PRRC2B: variants seen among roughly 807,000 people sequenced by gnomAD.
The protein encoded by PRRC2B is protein PRRC2B.
PRRC2B carries 68 observed loss-of-function variants against 242.3 expected under a neutral mutation model. The ratio of observed to expected loss-of-function variants is 0.28; its 90% CI spans 0.23 to 0.34. The LOEUF is 0.34. Ranked by LOEUF, PRRC2B falls within the 10% of genes least tolerant of loss-of-function variation. The probability of loss-of-function intolerance (pLI) is 1.00; values close to 1 mark genes in which losing one functional copy is unlikely to be tolerated. For missense variants in PRRC2B, 2,835 were observed against 2,954.8 expected (o/e 0.96, Z 0.94); for synonymous variants, 1,228 against 1,173.6 (o/e 1.05, Z -0.95).
At chr9:131,385,749 A>G (rs562154412) in intron 1 of PRRC2B, among the ~76,000 whole-genome samples, 2 of 150,488 alleles carry the variant, frequency 1.3e-5, no homozygotes, top group South Asian at 4.2e-4. Flanking sequence ...GCTGGAGTGC[A>G]GTGGTGTGAT....
chr9:131,393,794 G>C (rs915604912), upstream of PRRC2B, among the ~76,000 whole-genome samples: 1 of 151,158 alleles, frequency 6.6e-6, no homozygotes, highest in African/African-American at 2.4e-5. Context: ...CCTCCTCCGG[G>C]TCTCCTCCCC....
At chr9:131,477,478 C>A (rs141177705) in intron 16 of PRRC2B, among the ~76,000 whole-genome samples, 2 of 152,184 alleles carry the variant, frequency 1.3e-5, no homozygotes, top group African/African-American at 4.8e-5. Context: ...CTCTCTCCCC[C>A]CTACACTCTG....
intron 9 of PRRC2B, 161 bp downstream of exon 9, chr9:131,447,965 C>G: frequency 1.6e-6 from 1 of 613,288 alleles, no homozygotes; most frequent in Non-Finnish European, 2.5e-6. Flanking sequence ...TCCTCATTTA[C>G]TCCCTGACTA....
At chr9:131,484,148 A>T (rs548223726) in intron 23 of PRRC2B, among the ~76,000 whole-genome samples, 1 of 152,106 alleles carries the variant, frequency 6.6e-6, no homozygotes, top group Non-Finnish European at 1.5e-5. Flanking sequence ...GACACCGGGG[A>T]TCTGCAGGAA....
chr9:131,491,767 G>A (rs1377737744), intron 29 of PRRC2B, among the ~76,000 whole-genome samples, 187 bp downstream of exon 29: 2 of 152,194 alleles, frequency 1.3e-5, no homozygotes, highest in Non-Finnish European at 2.9e-5. Flanking sequence ...CATGTCGAGG[G>A]CTGAGGGCCA....
chr9:131,390,809 C>G (rs1464986387), upstream of PRRC2B, among the ~76,000 whole-genome samples: 41 of 101,570 alleles, frequency 4.0e-4, no homozygotes, highest in African/African-American at 1.6e-3. Flanking sequence ...TTTTTTGATA[C>G]AGAGTCTCGC....
Position 131,482,687 on chromosome 9 carries a change from C to T in PRRC2B, c.5176-23C>T, listed in dbSNP as rs1362634581. The T allele has an allele frequency of 6.5e-7, 1 of 1,542,284 alleles. No homozygotes were observed. Among genetic ancestry groups the T allele is most frequent in the East Asian group, 2.3e-5 (1 of 43,734 alleles). On this transcript the variant is annotated intron_variant, in intron 21 of 31. Transcript: ENST00000683519. The surrounding 1 kb of genome is among the most constrained non-coding windows in gnomAD (Gnocchi z 5.2). ...GTGGTCATTCCAGTCTGTGTGTCTC[C>T]ACCTCTCTGCTTTTTTATCAAGGAT...
At position 131,470,891 on chromosome 9, in the gene PRRC2B, C is replaced by T. The variant is rs1943525213; in HGVS notation, c.2015C>T (p.Pro672Leu). 6.2e-7 allele frequency: 1 copy of T among 1,611,048 alleles called. No individual in the cohort carries two copies. Among genetic ancestry groups the T allele is most frequent in the East Asian group, 2.2e-5 (1 of 44,814 alleles). Residue 672 changes from proline to leucine, a missense_variant, in exon 14 of 32, where the codon CCC becomes CTC. Physicochemically the swap from Pro to Leu is moderately conservative, Grantham distance 98 (BLOSUM62 -3). Transcript: ENST00000683519. ...CACCCCCAGATGTTGGGCTTCGATC[C>T]CAGGTGGATGATGATGCCTTCCTAC... ...PHHPQMLGFD[P>L]RWMMMPSYMD... is the part of the protein sequence containing the mutation.
chr9:131,391,492 T>C (rs1420387112), upstream of PRRC2B, among the ~76,000 whole-genome samples: 1 of 152,204 alleles, frequency 6.6e-6, no homozygotes, highest in Non-Finnish European at 1.5e-5. Context: ...TCATCCCATC[T>C]ACAGAATCCC....
At chr9:131,479,864 C>T (rs759588964) in intron 19 of PRRC2B, among the ~76,000 whole-genome samples, 1 of 152,170 alleles carries the variant, frequency 6.6e-6, no homozygotes, top group African/African-American at 2.4e-5. Context: ...GAAAGGCAAA[C>T]TGAGACCAGA....
chr9:131,392,441 TTTTA>T (rs550455840), upstream of PRRC2B, among the ~76,000 whole-genome samples: 520 of 152,310 alleles, frequency 3.4e-3, 2 homozygotes, highest in African/African-American at 0.012. Context: ...TTAATTTATT[TTTTA>T]TTTGTTTATT....
At position 131,436,667 on chromosome 9, in the gene PRRC2B, G is replaced by A. The variant is rs763838961; in HGVS notation, c.341G>A (p.Gly114Asp). 8.7e-6 allele frequency: 14 copies of A among 1,614,062 alleles called. No individual in the cohort carries two copies. Among genetic ancestry groups the A allele is most frequent in the Non-Finnish European group, 1.2e-5 (14 of 1,179,902 alleles). Residue 114 changes from glycine to aspartate, a missense_variant, in exon 4 of 32, where the codon GGT becomes GAT. Coordinates refer to ENST00000683519, the MANE Select transcript of PRRC2B (RefSeq NM_013318.4). ...SQPPESLPQP[G>D]LQKSVSNLQK... is the part of the protein sequence containing the mutation. The stretch of plus-strand genomic sequence containing the variant: ...CCGCCGGAGTCGCTGCCGCAGCCGG[G>A]TTTGCAGAAATCTGTCTCCAATTTG...
At chr9:131,419,835 G>C (rs1028082814) in intron 1 of PRRC2B, among the ~76,000 whole-genome samples, 1 of 151,662 alleles carries the variant, frequency 6.6e-6, no homozygotes, top group African/African-American at 2.4e-5. Flanking sequence ...GCGGCGTGGG[G>C]CCAGCATGTT....
Position 131,495,821 on chromosome 9 carries a change from C to T in PRRC2B, c.6637C>T (p.Arg2213Ter), listed in dbSNP as rs753620870. Residue 2213 changes from arginine (R) to a stop codon, truncating the protein, a stop_gained, in exon 32 of 32, where the codon CGA becomes TGA. Coordinates refer to ENST00000683519, the MANE Select transcript of PRRC2B (RefSeq NM_013318.4). LOFTEE classifies it high-confidence loss of function. The part of the protein sequence containing the change: ...EAPSAASQMK[R>*]TGAIKPRAVK... ...CCCCTCGGCTGCCTCCCAGATGAAG[C>T]GAACCGGAGCGATCAAGCCTCGGGC... is the stretch of plus-strand genomic sequence containing the variant. The T allele has an allele frequency of 1.1e-5, 17 of 1,612,596 alleles. No homozygotes were observed. Among genetic ancestry groups the T allele is most frequent in the East Asian group, 6.7e-5 (3 of 44,852 alleles).
chr9:131,456,593 A>G (rs144369235), intron 10 of PRRC2B, among the ~76,000 whole-genome samples: 177 of 151,774 alleles, frequency 1.2e-3, no homozygotes, highest in Admixed American at 2.8e-3. Flanking sequence ...ATCACGCCAC[A>G]TGCCACTGCA....
chr9:131,428,106 G>T (rs1168733040), intron 1 of PRRC2B, among the ~76,000 whole-genome samples: 2 of 151,088 alleles, frequency 1.3e-5, no homozygotes, highest in East Asian at 4.0e-4. Flanking sequence ...ATTTTTAGTA[G>T]AAACGGGGTT....
At chr9:131,383,369 T>G (rs1237707201) in intron 1 of PRRC2B, among the ~76,000 whole-genome samples, 1 of 152,100 alleles carries the variant, frequency 6.6e-6, no homozygotes, top group Non-Finnish European at 1.5e-5. Context: ...CTGCACCAGC[T>G]GGAGGCCTCA....
chr9:131,472,646 T>C (rs912260037), intron 14 of PRRC2B, among the ~76,000 whole-genome samples: 11 of 151,880 alleles, frequency 7.2e-5, no homozygotes, highest in African/African-American at 2.7e-4. Flanking sequence ...CTGGCTGATT[T>C]TTTTGTATTT....
Position 131,476,114 on chromosome 9 carries a change from G to A in PRRC2B, c.3985G>A (p.Glu1329Lys), listed in dbSNP as rs771568746. 6 of 1,609,984 alleles carry A rather than the reference G, an allele frequency of 3.7e-6. 1 individual carries two copies. In the South Asian group the frequency reaches 4.4e-5, roughly 12 times the overall value. The change falls in exon 16 of 32, where the codon GAG becomes AAG. Residue 1329 changes from glutamate to lysine, a missense_variant. Around this residue, in one of 7 missense-constraint regions of PRRC2B, gnomAD observed 1,536 missense variants for 1,483.1 expected, o/e 1.04. Coordinates refer to ENST00000683519, the MANE Select transcript of PRRC2B (RefSeq NM_013318.4). ...ERESLGLWGP[E>K]EEPHLLAGQW... ...GGAGTCCCTGGGCCTGTGGGGACCCGAGGAGGAGCCCCACCTGCTGGCAGG... is the reference window on the plus strand; with the variant it reads ...GGAGTCCCTGGGCCTGTGGGGACCCAAGGAGGAGCCCCACCTGCTGGCAGG...
Sources: allele counts gnomAD v4.1 joint callset (sites outside exome capture counted in the v4.1 genomes callset), GRCh38; gene constraint gnomAD v4.1.1; regional missense constraint gnomAD v4.1.1; non-coding constraint Gnocchi (gnomAD v3.1); transcripts MANE v1.5; gene names NCBI Gene and HGNC (gene_info 2026-07-23, HGNC 2026-07-21).